The following PRKAR2B variants were observed in gnomAD, a reference collection of about 807,000 sequenced individuals.
The protein encoded by PRKAR2B is protein kinase cAMP-dependent type II regulatory subunit beta.
PRKAR2B carries 14 observed loss-of-function variants against 49.9 expected under a neutral mutation model. The observed-to-expected ratio is 0.28, with a 90% CI of 0.19 to 0.44. PRKAR2B has a LOEUF of 0.44. PRKAR2B is among the 20% of genes least tolerant of loss of function. The pLI is 1.00. For synonymous variants in PRKAR2B, 196 were observed against 197.7 expected (o/e 0.99, Z 0.07); for missense variants, 393 against 537.9 (o/e 0.73, Z 2.67).
intron 2 of PRKAR2B, among the ~76,000 whole-genome samples, chr7:107,102,051 C>T (rs1794979012): frequency 6.6e-6 from 1 of 151,796 alleles, no homozygotes; most frequent in Non-Finnish European, 1.5e-5. Flanking sequence ...GAACACGATA[C>T]AAAAAATTAG....
chr7:107,115,844 A>T (rs904748942), intron 2 of PRKAR2B, among the ~76,000 whole-genome samples: 2 of 152,328 alleles, frequency 1.3e-5, no homozygotes, highest in Non-Finnish European at 2.9e-5. Context: ...GTCTAATGCA[A>T]TGTGATATAT....
intron 2 of PRKAR2B, among the ~76,000 whole-genome samples, chr7:107,080,554 G>A (rs1258425618): frequency 6.6e-6 from 1 of 152,170 alleles, no homozygotes; most frequent in Non-Finnish European, 1.5e-5. Flanking sequence ...TGAAATTAGG[G>A]AAAAGATGGT....
In PRKAR2B at chr7:107,155,638, A is replaced by AT. The variant is rs138997343; in HGVS notation, c.919-1336dup. ...AATGATCAGTAATGATCTTTTTTTC[A>AT]TTTTTTTTTTGGCTGCATAAATATC... On this transcript the variant is annotated intron_variant, in intron 8 of 10. Transcript: ENST00000265717. 2.7e-3 allele frequency among the ~76,000 whole-genome samples: 395 copies of AT among 146,060 alleles called. 18 individuals carry two copies. The South Asian group carries it at 0.067, about 25-fold the overall frequency.
chr7:107,137,374 C>T (rs1795717807), intron 4 of PRKAR2B, among the ~76,000 whole-genome samples: 1 of 152,202 alleles, frequency 6.6e-6, no homozygotes, highest in South Asian at 2.1e-4. Context: ...GCCAGTGACT[C>T]CTTTGAAAGA....
chr7:107,087,115 G>C (rs1794635635), intron 2 of PRKAR2B, among the ~76,000 whole-genome samples: 1 of 151,914 alleles, frequency 6.6e-6, no homozygotes, highest in Admixed American at 6.6e-5. Context: ...ATATTATTTT[G>C]ACAGTCTAAG....
intron 1 of PRKAR2B, chr7:107,069,491 C>A (rs1367573759): frequency 6.6e-6 from 1 of 152,122 alleles, no homozygotes; most frequent in African/African-American, 2.4e-5. Context: ...TACATTGTGT[C>A]CTTTCTTTAT....
intron 6 of PRKAR2B, among the ~76,000 whole-genome samples, chr7:107,146,994 T>G (rs919102291): frequency 6.6e-6 from 1 of 152,154 alleles, no homozygotes; most frequent in Non-Finnish European, 1.5e-5. Context: ...GATTGGTAAC[T>G]ACTCTGCATT....
intron 4 of PRKAR2B, 66 bp from the exon 5 acceptor site, chr7:107,140,779 CTG>C (rs938508272): frequency 8.9e-7 from 1 of 1,124,746 alleles, no homozygotes; most frequent in African/African-American, 1.6e-5. Flanking sequence ...AGAAATATAA[CTG>C]TGGTTACTTA....
intron 2 of PRKAR2B, among the ~76,000 whole-genome samples, chr7:107,084,823 C>A (rs1287867711): frequency 6.6e-6 from 1 of 151,784 alleles, no homozygotes; most frequent in Non-Finnish European, 1.5e-5. Context: ...GACGGGGTTT[C>A]ACCGTGTTAG....
chr7:107,161,434 G>A lies in PRKAR2B; in HGVS notation c.*1852G>A, dbSNP rs193133301. 7.2e-5 allele frequency: 11 copies of A among 152,656 alleles called. No homozygotes were observed. Among genetic ancestry groups the A allele is most frequent in the African/African-American group, 2.4e-4 (10 of 41,546 alleles). The allele number at this position is 152,656 out of a possible 1,614,324, so 9.5% of individuals were successfully genotyped here. Reference sequence around the variant, plus strand: ...CTTTGACCAAGGCTATAAATGCCACGTACATTATTTTCAGTATTGTTGGTT... The same window carrying A: ...CTTTGACCAAGGCTATAAATGCCACATACATTATTTTCAGTATTGTTGGTT... On this transcript the variant is annotated 3_prime_UTR_variant, in exon 11 of 11. Transcript: ENST00000265717.
At chr7:107,103,065 C>A (rs181336749) in intron 2 of PRKAR2B, among the ~76,000 whole-genome samples, 2 of 152,272 alleles carry the variant, frequency 1.3e-5, no homozygotes, top group East Asian at 3.9e-4. Context: ...CTGAAATGTT[C>A]ATATTTCAAA....
rs1793655946 is a variant in PRKAR2B, at chr7:107,044,834, C to T, written c.-74C>T. ...GCCAGCGCCGTAGGCGCTCGCTCGG[C>T]AGCCGCGGGGCCCTAGGCCGTGCCG... On this transcript the variant is annotated 5_prime_UTR_variant, in exon 1 of 11. Transcript: ENST00000265717. 2 of 1,220,312 alleles carry T rather than the reference C, an allele frequency of 1.6e-6. No individual in the cohort carries two copies. The highest frequency in any genetic ancestry group is 1.6e-5 in the African/African-American group (1 of 62,746). 75.6% of individuals were successfully genotyped at this position (1,220,312 alleles called of 1,614,324 possible). A position where few individuals can be genotyped will look rare whatever the true frequency, so the allele number is the denominator to read the frequency against.
chr7:107,141,040 A>G (rs1438734262), intron 5 of PRKAR2B, 87 bp downstream of exon 5: 1 of 947,040 alleles, frequency 1.1e-6, no homozygotes, highest in African/African-American at 1.7e-5. Flanking sequence ...ACAGGTTAAT[A>G]TAGGATAGTT....
chr7:107,094,830 T>G (rs968194917), intron 2 of PRKAR2B, among the ~76,000 whole-genome samples: 2 of 152,220 alleles, frequency 1.3e-5, no homozygotes, highest in African/African-American at 2.4e-5. Flanking sequence ...ATGTGTGGTA[T>G]TATTTCTGAG....
intron 2 of PRKAR2B, among the ~76,000 whole-genome samples, chr7:107,117,095 A>G (rs1584437206): frequency 7.0e-6 from 1 of 143,272 alleles, no homozygotes; most frequent in Non-Finnish European, 1.5e-5. Flanking sequence ...TTTTACTGCC[A>G]CAGAAATACC....
At chr7:107,098,576 T>C (rs556380788) in intron 2 of PRKAR2B, among the ~76,000 whole-genome samples, 63 of 152,346 alleles carry the variant, frequency 4.1e-4, no homozygotes, top group African/African-American at 1.5e-3. Flanking sequence ...TGTGTTCTTT[T>C]GGAGGAGAAG....
rs1793657416 is a variant in PRKAR2B at position 107,044,872 on chromosome 7, G to C, written c.-36G>C. 3 of 1,547,418 alleles carry C rather than the reference G, an allele frequency of 1.9e-6. No homozygotes were observed. The South Asian group carries it at 3.6e-5, about 18-fold the overall frequency. ...CTAGGCCGTGCCGGGGAGGGGGCGA[G>C]GGCGGCGCCCAGGCGCCTGCCGCCC... On this transcript the variant is annotated 5_prime_UTR_variant, in exon 1 of 11. Transcript: ENST00000265717.
chr7:107,057,893 G>C (rs1430373322), intron 1 of PRKAR2B, among the ~76,000 whole-genome samples: 1 of 152,138 alleles, frequency 6.6e-6, no homozygotes, highest in Non-Finnish European at 1.5e-5. Flanking sequence ...TCTCAAGCCA[G>C]TATAGTAATA....
intron 5 of PRKAR2B, among the ~76,000 whole-genome samples, chr7:107,143,403 G>C (rs150259970): frequency 6.6e-6 from 1 of 152,176 alleles, no homozygotes; most frequent in Non-Finnish European, 1.5e-5. Context: ...GTTAGTGTAC[G>C]AGGTACAGTA....
Sources: gnomAD v4.1 joint callset for allele counts (sites outside exome capture counted in the v4.1 genomes callset) on GRCh38, gnomAD v4.1.1 for gene constraint, MANE v1.5 for transcripts, NCBI Gene and HGNC (gene_info 2026-07-23, HGNC 2026-07-21) for gene names.